Variants in SMOC1 observed in about 807,000 individuals in gnomAD.
SMOC1 encodes SPARC-related modular calcium-binding protein 1.
A neutral mutation model predicts 56.3 loss-of-function variants in SMOC1; 22 were observed. The ratio of observed to expected loss-of-function variants is 0.39; its 90% CI spans 0.28 to 0.56. SMOC1 has a LOEUF of 0.56. Among genes scored for constraint, SMOC1 ranks in the 20% least tolerant of loss-of-function variants. SMOC1 has a pLI of 0.61. For synonymous variants in SMOC1, 193 were observed against 215.0 expected (o/e 0.90, Z 0.89); for missense variants, 509 against 565.4 (o/e 0.90, Z 1.01).
chr14:69,947,512 T>C (rs1412839901), intron 1 of SMOC1, among the ~76,000 whole-genome samples: 1 of 152,222 alleles, frequency 6.6e-6, no homozygotes, highest in Non-Finnish European at 1.5e-5. Context: ...CCTAACATAC[T>C]GTCTAATTTC....
chr14:69,895,343 G>A (rs926564603), intron 1 of SMOC1, among the ~76,000 whole-genome samples: 4 of 152,220 alleles, frequency 2.6e-5, no homozygotes, highest in Non-Finnish European at 5.9e-5. Flanking sequence ...AGTAGCCAGC[G>A]ATTCTGTTTG....
chr14:69,911,223 AGG>A (rs1884548087), intron 1 of SMOC1, among the ~76,000 whole-genome samples: 1 of 152,044 alleles, frequency 6.6e-6, no homozygotes, highest in Admixed American at 6.6e-5. Context: ...TAGATTTTGG[AGG>A]GATATCCAGA....
intron 1 of SMOC1, among the ~76,000 whole-genome samples, chr14:69,883,962 A>G (rs1441902333): frequency 8.1e-6 from 1 of 123,390 alleles, no homozygotes; most frequent in Non-Finnish European, 1.6e-5. Flanking sequence ...TGCGGACTGC[A>G]GTGGCGCAAT....
At chr14:69,970,660 TGTC>T (rs1375726204) in intron 3 of SMOC1, among the ~76,000 whole-genome samples, 1 of 152,156 alleles carries the variant, frequency 6.6e-6, no homozygotes, top group Non-Finnish European at 1.5e-5. Context: ...GGGTGATAGT[TGTC>T]TATATGTGTT....
chr14:69,926,047 A>ATT (rs11432471), intron 1 of SMOC1, among the ~76,000 whole-genome samples: 1,982 of 147,154 alleles, frequency 0.013, 31 homozygotes, highest in African/African-American at 0.039. Context: ...ATCAGAAGCC[A>ATT]TTTTTTTTTT....
At chr14:69,974,318 A>G (rs763366227) in intron 3 of SMOC1, among the ~76,000 whole-genome samples, 3 of 152,094 alleles carry the variant, frequency 2.0e-5, no homozygotes, top group African/African-American at 4.8e-5. Context: ...GAGGAGGTGT[A>G]TCACAAAGGA....
At chr14:69,883,288 CCT>C (rs1030829397) in intron 1 of SMOC1, among the ~76,000 whole-genome samples, 1 of 152,130 alleles carries the variant, frequency 6.6e-6, no homozygotes, top group African/African-American at 2.4e-5. Flanking sequence ...TTCCCTCTCC[CCT>C]CTTCCTTCCT....
intron 1 of SMOC1, among the ~76,000 whole-genome samples, chr14:69,924,006 T>A (rs559049407): frequency 6.6e-6 from 1 of 152,208 alleles, no homozygotes; most frequent in Non-Finnish European, 1.5e-5. Context: ...GCAACTGAAC[T>A]GCACCAACCA....
At chr14:69,988,577 C>T (rs1440591063) in intron 5 of SMOC1, among the ~76,000 whole-genome samples, 2 of 152,138 alleles carry the variant, frequency 1.3e-5, no homozygotes, top group African/African-American at 4.8e-5. Context: ...AGTTTACATA[C>T]CGTAAAATTC....
intron 11 of SMOC1, among the ~76,000 whole-genome samples, chr14:70,023,651 T>C (rs190507146): frequency 6.6e-6 from 1 of 152,308 alleles, no homozygotes; most frequent in African/African-American, 2.4e-5. Context: ...AAGACAGAGC[T>C]TAAATAAGCA....
chr14:69,893,776 C>T (rs548516637), intron 1 of SMOC1, among the ~76,000 whole-genome samples: 71 of 152,232 alleles, frequency 4.7e-4, no homozygotes, highest in African/African-American at 1.7e-3. Flanking sequence ...CCTTCAAATT[C>T]ATGTGAAGTC....
intron 1 of SMOC1, among the ~76,000 whole-genome samples, chr14:69,946,162 C>G (rs1046557235): frequency 1.3e-5 from 2 of 152,190 alleles, no homozygotes; most frequent in African/African-American, 4.8e-5. Flanking sequence ...GCAGGGCTTC[C>G]ATTCTACTAT....
intron 10 of SMOC1, among the ~76,000 whole-genome samples, chr14:70,018,610 T>A (rs1885602803): frequency 6.6e-6 from 1 of 152,178 alleles, no homozygotes. Flanking sequence ...ACAGCACCCA[T>A]TAGCATTTAT....
intron 3 of SMOC1, among the ~76,000 whole-genome samples, chr14:69,963,061 C>G (rs975878267): frequency 2.0e-5 from 3 of 152,144 alleles, no homozygotes; most frequent in Admixed American, 2.0e-4. Context: ...CAATTCTATT[C>G]CTTAATCTAT....
At chr14:69,952,616 A>T (rs1219481542) in intron 2 of SMOC1, among the ~76,000 whole-genome samples, 1 of 152,218 alleles carries the variant, frequency 6.6e-6, no homozygotes, top group Non-Finnish European at 1.5e-5. Flanking sequence ...CTGAATAGTG[A>T]TTCCAAATTG....
Position 70,030,352 on chromosome 14 carries a change from T to C in SMOC1, c.*94T>C. On this transcript the variant is annotated 3_prime_UTR_variant, in exon 12 of 12. Transcript: ENST00000361956. ...CAGCGTTGCCCATGGCCCTGCCACATCCCGTGTAACATAAGTGGTGCCCAC... is the reference window on the plus strand; with the variant it reads ...CAGCGTTGCCCATGGCCCTGCCACACCCCGTGTAACATAAGTGGTGCCCAC... The C allele has an allele frequency of 2.7e-6, 4 of 1,501,396 alleles. No individual in the cohort carries two copies. In the South Asian group the frequency reaches 4.8e-5, roughly 18 times the overall value. The allele number at this position is 1,501,396 out of a possible 1,614,324, so 93.0% of individuals were successfully genotyped here.
At chr14:69,901,953 T>G (rs1884252626) in intron 1 of SMOC1, among the ~76,000 whole-genome samples, 1 of 152,216 alleles carries the variant, frequency 6.6e-6, no homozygotes, top group Admixed American at 6.5e-5. Context: ...ATCTCTACTT[T>G]CCTTTGGGGA....
At position 69,953,497 on chromosome 14, in the gene SMOC1, G is replaced by A. The variant is rs1436339828; in HGVS notation, c.343G>A (p.Val115Ile). 6.2e-7 allele frequency: 1 copy of A among 1,614,262 alleles called. No individual in the cohort carries two copies. Among genetic ancestry groups the A allele is most frequent in the Non-Finnish European group, 8.5e-7 (1 of 1,180,040 alleles). The change falls in exon 3 of 12, where the codon GTC becomes ATC. Residue 115 changes from valine (V) to isoleucine (I), a missense_variant. Val to Ile is a conservative substitution (Grantham distance 29). Around this residue, in one of 3 missense-constraint regions of SMOC1, gnomAD observed 315 missense variants for 333.1 expected, o/e 0.95. Transcript: ENST00000361956. ...QAKKPQEAVF[V>I]PECGEDGSFT... ...CAAGAAGCCTCAGGAAGCTGTGTTTGTCCCAGAGTGTGGCGAGGATGGCTC... is the reference window on the plus strand; with the variant it reads ...CAAGAAGCCTCAGGAAGCTGTGTTTATCCCAGAGTGTGGCGAGGATGGCTC...
chr14:70,003,567 C>T (rs57510137), intron 7 of SMOC1, among the ~76,000 whole-genome samples: 2,623 of 152,284 alleles, frequency 0.017, 71 homozygotes, highest in African/African-American at 0.06. Context: ...GGTTCTTGGA[C>T]CAAGTACCCT....
Sources: gnomAD v4.1 joint callset for allele counts (sites outside exome capture counted in the v4.1 genomes callset) on GRCh38, gnomAD v4.1.1 for gene constraint, gnomAD v4.1.1 regional missense constraint, MANE v1.5 for transcripts, NCBI Gene and HGNC (gene_info 2026-07-23, HGNC 2026-07-21) for gene names.